Variants in PRKN observed in about 807,000 individuals in gnomAD.
The protein encoded by PRKN is parkin RBR E3 ubiquitin protein ligase.
A neutral mutation model predicts 59.5 loss-of-function variants in PRKN; 56 were observed. The observed-to-expected ratio is 0.94, with a 90% CI of 0.76 to 1.18. PRKN has a LOEUF of 1.18. Ranked by LOEUF, PRKN falls within the 50% of genes most tolerant of loss-of-function variation. PRKN has a pLI of 0.00. For missense variants in PRKN, 657 were observed against 596.4 expected (o/e 1.10, Z -1.06); for synonymous variants, 250 against 222.1 (o/e 1.13, Z -1.12).
intron 9 of PRKN, among the ~76,000 whole-genome samples, chr6:161,392,153 G>T (rs1328657757): frequency 6.6e-6 from 1 of 151,836 alleles, no homozygotes; most frequent in Non-Finnish European, 1.5e-5. Context: ...TGGCCAAGCT[G>T]GTCTCGAACC....
At chr6:161,913,622 C>T (rs1031391373) in intron 6 of PRKN, among the ~76,000 whole-genome samples, 2 of 152,166 alleles carry the variant, frequency 1.3e-5, no homozygotes, top group African/African-American at 4.8e-5. Context: ...TTACAAAAAA[C>T]CTACTATGTC....
intron 7 of PRKN, among the ~76,000 whole-genome samples, chr6:161,753,682 G>T (rs867027815): frequency 3.3e-5 from 5 of 152,160 alleles, no homozygotes; most frequent in Admixed American, 3.3e-4. Flanking sequence ...AACCCCGAGT[G>T]GGGGAGCCCA....
chr6:161,853,976 T>A (rs1218299107), intron 6 of PRKN, among the ~76,000 whole-genome samples: 1 of 151,404 alleles, frequency 6.6e-6, no homozygotes, highest in Non-Finnish European at 1.5e-5. Context: ...CCCGGTATGG[T>A]GGCTCATGCC....
chr6:162,161,208 G>A (rs1384680534), intron 4 of PRKN, among the ~76,000 whole-genome samples: 1 of 152,196 alleles, frequency 6.6e-6, no homozygotes, highest in African/African-American at 2.4e-5. Flanking sequence ...GACCACGTGA[G>A]CATTCTAGGG....
chr6:162,529,484 T>G (rs2846497), intron 1 of PRKN, among the ~76,000 whole-genome samples: 53,289 of 152,042 alleles, frequency 0.35, 11,166 homozygotes, highest in Middle Eastern at 0.51. Context: ...TTTCTTAAAA[T>G]GTATAGAAAG....
chr6:162,503,306 G>A (rs1011281072), intron 1 of PRKN, among the ~76,000 whole-genome samples: 1 of 151,740 alleles, frequency 6.6e-6, no homozygotes, highest in Admixed American at 6.6e-5. Flanking sequence ...GGGATTACAG[G>A]CGCCCACCAC....
At chr6:162,381,275 T>C (rs1426211984) in intron 2 of PRKN, among the ~76,000 whole-genome samples, 3 of 152,192 alleles carry the variant, frequency 2.0e-5, no homozygotes, top group Non-Finnish European at 4.4e-5. Context: ...GAAATTACCC[T>C]GTTTTTCAAT....
At chr6:161,730,241 T>C (rs1283968437) in intron 7 of PRKN, among the ~76,000 whole-genome samples, 1 of 150,538 alleles carries the variant, frequency 6.6e-6, no homozygotes, top group Admixed American at 6.6e-5. Context: ...TTCTGATATG[T>C]TGCAGTCTGA....
At chr6:162,301,329 C>T (rs78689508) in intron 2 of PRKN, among the ~76,000 whole-genome samples, 8,782 of 151,046 alleles carry the variant, frequency 0.058, 331 homozygotes, top group Middle Eastern at 0.14. Context: ...GCAGACTCAG[C>T]ATTCTTAAAC....
intron 9 of PRKN, among the ~76,000 whole-genome samples, chr6:161,476,274 T>C (rs1365231865): frequency 1.3e-5 from 2 of 151,820 alleles, no homozygotes; most frequent in Non-Finnish European, 2.9e-5. Context: ...GCTAAAACTC[T>C]TTCCCAGGAG....
In PRKN at chr6:161,913,170, GAAAAA is replaced by G. The variant is rs762633376; in HGVS notation, c.734+60127_734+60131del. Among the ~76,000 whole-genome samples the G allele has an allele frequency of 3.1e-4, 27 of 86,624 alleles. 1 individual carries two copies. The highest frequency in any genetic ancestry group is 5.4e-4 in the Non-Finnish European group (25 of 45,922). 56.8% of individuals were successfully genotyped at this position (86,624 alleles called of 152,430 possible). A position where few individuals can be genotyped will look rare whatever the true frequency, so the allele number is the denominator to read the frequency against. On this transcript the variant is annotated intron_variant, in intron 6 of 11. Transcript: ENST00000366898. ...CAACACGAGCAAAACTCCATCTCAGGAAAAAAAAAAAAAAAAAAAAGACATGGGAT... is the reference window on the plus strand; with the variant it reads ...CAACACGAGCAAAACTCCATCTCAGGAAAAAAAAAAAAAAAGACATGGGAT...
At chr6:161,508,028 T>G (rs1256887001) in intron 9 of PRKN, among the ~76,000 whole-genome samples, 1 of 152,194 alleles carries the variant, frequency 6.6e-6, no homozygotes, top group African/African-American at 2.4e-5. Context: ...ATAAAACGTA[T>G]CCAGGGAAAC....
rs1458224057 is a variant in PRKN at position 161,386,741 on chromosome 6, T to TC, written c.1167+52dup. The TC allele has an allele frequency of 1.5e-6, 2 of 1,360,966 alleles. No individual in the cohort carries two copies. The highest frequency in any genetic ancestry group is 2.1e-6 in the Non-Finnish European group (2 of 949,074). The allele number at this position is 1,360,966 out of a possible 1,614,324, so 84.3% of individuals were successfully genotyped here. A position where few individuals can be genotyped will look rare whatever the true frequency, so the allele number is the denominator to read the frequency against. ...CATGACCTCCAGGAAACGGCTCCAG[T>TC]CCCCCACTGTATCCGGAGCCCTGCT... On this transcript the variant is annotated intron_variant, in intron 10 of 11. Transcript: ENST00000366898. This position sits in a 1 kb window ranked among gnomAD's most constrained non-coding sequence, Gnocchi z 4.3.
rs1777764668 is a variant in PRKN, at chr6:162,054,172, AC to A, written c.536del (p.Gly179ValfsTer9). ...CRQATLTLTQGPSCWDDVLIP... is the reference protein window; with the variant it reads ...CRQATLTLTQXPSCWDDVLIP... Reference sequence around the variant, plus strand: ...TTAAAACATCATCCCAGCAAGATGGACCCTTTGGGAAAAAACAACAATATAT... The same window carrying A: ...TTAAAACATCATCCCAGCAAGATGGACCTTTGGGAAAAAACAACAATATAT... On this transcript the variant is annotated frameshift_variant and splice_region_variant, in exon 5 of 12. Coordinates refer to ENST00000366898, the MANE Select transcript of PRKN (RefSeq NM_004562.3). LOFTEE classifies it high-confidence loss of function. 2 of 1,607,978 alleles carry A rather than the reference AC, an allele frequency of 1.2e-6. No individual in the cohort carries two copies. The highest frequency in any genetic ancestry group is 4.5e-5 in the East Asian group (2 of 44,834).
At chr6:162,006,083 G>A (rs1271474886) in intron 5 of PRKN, among the ~76,000 whole-genome samples, 1 of 152,046 alleles carries the variant, frequency 6.6e-6, no homozygotes, top group Admixed American at 6.6e-5. Context: ...TAAAGTACAC[G>A]AGAGCTTTGA....
At chr6:162,237,925 G>A (rs1403725296) in intron 3 of PRKN, among the ~76,000 whole-genome samples, 2 of 152,188 alleles carry the variant, frequency 1.3e-5, no homozygotes, top group East Asian at 3.9e-4. Context: ...GTACATACAC[G>A]CAAGAACGCA....
Position 161,496,663 on chromosome 6 carries a change from G to A in PRKN, c.1083+52191C>T, listed in dbSNP as rs551932422. ...CCACCTGGCCCAGCCCTTGATCTGTGGGGATTATTACAATTTAAGGGATAT... is the reference window on the plus strand; with the variant it reads ...CCACCTGGCCCAGCCCTTGATCTGTAGGGATTATTACAATTTAAGGGATAT... On this transcript the variant is annotated intron_variant, in intron 9 of 11. Coordinates refer to ENST00000366898, the MANE Select transcript of PRKN (RefSeq NM_004562.3). Among the ~76,000 whole-genome samples the A allele has an allele frequency of 2.8e-4, 43 of 152,292 alleles. No individual in the cohort carries two copies. The South Asian group carries it at 8.7e-3, about 31-fold the overall frequency.
chr6:162,488,140 T>G (rs1390049118), intron 1 of PRKN, among the ~76,000 whole-genome samples: 2 of 151,712 alleles, frequency 1.3e-5, no homozygotes, highest in South Asian at 2.1e-4. Context: ...TTTACAAAGT[T>G]TAAACACCAC....
rs370973786 is a variant in PRKN at position 161,552,482 on chromosome 6, ACG to A, written c.934-3481_934-3480del. ...TCCGCCTATGACTGTGAATGATCTCACGGTGATCCTCCAAGCCCCTCTCCCTC... is the reference window on the plus strand; with the variant it reads ...TCCGCCTATGACTGTGAATGATCTCAGTGATCCTCCAAGCCCCTCTCCCTC... On this transcript the variant is annotated intron_variant, in intron 8 of 11. Transcript: ENST00000366898. This position sits in a 1 kb window ranked among gnomAD's most constrained non-coding sequence, Gnocchi z 4.9. 0.44 allele frequency among the ~76,000 whole-genome samples: 50,243 copies of A among 113,078 alleles called. 14,401 individuals are homozygous for A. Among genetic ancestry groups the A allele is most frequent in the East Asian group, 0.65 (2,400 of 3,692 alleles). 74.2% of individuals were successfully genotyped at this position (113,078 alleles called of 152,430 possible).
Sources: gnomAD v4.1 joint callset for allele counts (sites outside exome capture counted in the v4.1 genomes callset) on GRCh38, gnomAD v4.1.1 for gene constraint, Gnocchi (gnomAD v3.1) non-coding constraint, MANE v1.5 for transcripts, NCBI Gene and HGNC (gene_info 2026-07-23, HGNC 2026-07-21) for gene names.